STXBP5L: variants seen among roughly 807,000 people sequenced by gnomAD.
STXBP5L encodes syntaxin binding protein 5L, also known as syntaxin-binding protein 5-like.
A neutral mutation model predicts 144.5 loss-of-function variants in STXBP5L; 65 were observed. That is an observed-to-expected ratio of 0.45 (90% confidence interval 0.37 to 0.55). The LOEUF (loss-of-function observed/expected upper bound fraction) is 0.55. Ranked by LOEUF, STXBP5L falls within the 20% of genes least tolerant of loss-of-function variation. STXBP5L has a pLI of 0.00. For synonymous variants in STXBP5L, 505 were observed against 469.6 expected, an observed-to-expected ratio of 1.08 and a Z score of -0.97; for missense variants, 1,298 against 1,405.5, an observed-to-expected ratio of 0.92 and a Z score of 1.22.
chr3:120,914,016 A>G (rs1708983259), intron 2 of STXBP5L, among the ~76,000 whole-genome samples: 1 of 152,038 alleles, frequency 6.6e-6, no homozygotes, highest in Admixed American at 6.5e-5. Flanking sequence ...AAGAGTTGAT[A>G]CCACTTTAGG....
intron 9 of STXBP5L, among the ~76,000 whole-genome samples, chr3:121,170,879 A>G (rs2046686188): frequency 6.6e-6 from 1 of 152,188 alleles, no homozygotes; most frequent in African/African-American, 2.4e-5. Context: ...CCTGGCAGAG[A>G]CACAACAAAA....
At chr3:121,079,348 T>C (rs1345343281) in intron 5 of STXBP5L, among the ~76,000 whole-genome samples, 1 of 152,226 alleles carries the variant, frequency 6.6e-6, no homozygotes, top group Non-Finnish European at 1.5e-5. Flanking sequence ...CTTATTGGTC[T>C]TGTGACACTG....
intron 3 of STXBP5L, among the ~76,000 whole-genome samples, chr3:121,002,482 A>C (rs1362158448): frequency 2.0e-5 from 3 of 152,126 alleles, no homozygotes; most frequent in African/African-American, 7.2e-5. Flanking sequence ...ATGATCTGCT[A>C]ATCTTCAGTG....
chr3:121,029,762 AT>A lies in STXBP5L; in HGVS notation c.288-11930del, dbSNP rs1409078620. On this transcript the variant is annotated intron_variant, in intron 3 of 26. Coordinates refer to ENST00000471454, the MANE Select transcript of STXBP5L (RefSeq NM_001308330.2). Reference sequence around the variant, plus strand: ...AACAGGTAAGCTACAGAATGGGAGAATTTTTTTTGAATCTATCCATCTGACA... The same window carrying A: ...AACAGGTAAGCTACAGAATGGGAGAATTTTTTTGAATCTATCCATCTGACA... 1.2e-4 allele frequency among the ~76,000 whole-genome samples: 19 copies of A among 152,064 alleles called. 1 individual carries two copies. Among genetic ancestry groups the A allele is most frequent in the Admixed American group, 7.9e-4 (12 of 15,270 alleles).
chr3:121,189,042 A>G (rs549355040), intron 9 of STXBP5L, among the ~76,000 whole-genome samples: 1 of 152,256 alleles, frequency 6.6e-6, no homozygotes. Context: ...GATGACATGA[A>G]TTTTATACTT....
At chr3:121,234,238 G>A (rs1400564996) in intron 12 of STXBP5L, among the ~76,000 whole-genome samples, 1 of 152,002 alleles carries the variant, frequency 6.6e-6, no homozygotes, top group Non-Finnish European at 1.5e-5. Context: ...AATGGTAATA[G>A]CATGAAACTA....
chr3:121,167,656 GA>G (rs1264770559), intron 9 of STXBP5L, among the ~76,000 whole-genome samples: 1 of 152,070 alleles, frequency 6.6e-6, no homozygotes, highest in Non-Finnish European at 1.5e-5. Flanking sequence ...GGGCATCTCT[GA>G]AAAAAATAAG....
intron 3 of STXBP5L, among the ~76,000 whole-genome samples, chr3:121,025,999 T>C (rs996522753): frequency 2.1e-5 from 3 of 145,348 alleles, no homozygotes; most frequent in Admixed American, 7.1e-5. Flanking sequence ...GTATTATCAA[T>C]ATATTATATA....
At chr3:120,966,777 T>A (rs1939632541) in intron 3 of STXBP5L, among the ~76,000 whole-genome samples, 1 of 152,082 alleles carries the variant, frequency 6.6e-6, no homozygotes, top group African/African-American at 2.4e-5. Context: ...GAGGAGGCAG[T>A]GTGTCCGTTC....
intron 5 of STXBP5L, among the ~76,000 whole-genome samples, chr3:121,068,170 C>A (rs1053458859): frequency 2.6e-5 from 4 of 151,976 alleles, no homozygotes; most frequent in African/African-American, 9.7e-5. Context: ...CCACCATGCC[C>A]AGCTAATTTT....
At chr3:121,236,613 C>G (rs2049491807) in intron 12 of STXBP5L, among the ~76,000 whole-genome samples, 1 of 152,198 alleles carries the variant, frequency 6.6e-6, no homozygotes, top group Admixed American at 6.5e-5. Flanking sequence ...TTAATCTATT[C>G]ATGAGGAATC....
intron 20 of STXBP5L, among the ~76,000 whole-genome samples, chr3:121,346,129 AG>A (rs2044962308): frequency 1.1e-5 from 1 of 95,132 alleles, no homozygotes; most frequent in African/African-American, 4.2e-5. Context: ...AACAGGCCCC[AG>A]GGTGTGATGT....
intron 11 of STXBP5L, among the ~76,000 whole-genome samples, chr3:121,223,744 A>G (rs1577249580): frequency 6.6e-6 from 1 of 152,164 alleles, no homozygotes; most frequent in Admixed American, 6.6e-5. Flanking sequence ...TTGTAAACAT[A>G]ACAACTAGTC....
chr3:121,281,996 T>A (rs2051076267), intron 19 of STXBP5L, among the ~76,000 whole-genome samples: 1 of 151,126 alleles, frequency 6.6e-6, no homozygotes, highest in African/African-American at 2.4e-5. Context: ...TTAAATAAGA[T>A]AAAAATAAAT....
At chr3:121,360,597 G>A (rs192512648) in intron 20 of STXBP5L, among the ~76,000 whole-genome samples, 6 of 152,082 alleles carry the variant, frequency 3.9e-5, no homozygotes, top group African/African-American at 1.4e-4. Context: ...CATGAGGCAT[G>A]CGAATACTAT....
intron 5 of STXBP5L, among the ~76,000 whole-genome samples, chr3:121,051,681 A>T (rs1357001665): frequency 2.0e-5 from 3 of 152,208 alleles, no homozygotes; most frequent in Non-Finnish European, 2.9e-5. Context: ...ATAGAACTAG[A>T]GAAGCAAGAG....
intron 20 of STXBP5L, among the ~76,000 whole-genome samples, chr3:121,359,702 C>T (rs1382019669): frequency 1.3e-5 from 2 of 151,876 alleles, no homozygotes; most frequent in African/African-American, 2.4e-5. Context: ...ATTGAAGATG[C>T]TGTCTTTTCT....
intron 20 of STXBP5L, among the ~76,000 whole-genome samples, chr3:121,369,799 C>G (rs991567899): frequency 2.0e-5 from 3 of 152,228 alleles, no homozygotes; most frequent in Middle Eastern, 3.4e-3. Flanking sequence ...GTTGGGGAAT[C>G]TGATGGTTAT....
chr3:120,955,094 A>C, intron 3 of STXBP5L, 57 bp downstream of exon 3: 1 of 1,207,020 alleles, frequency 8.3e-7, no homozygotes, highest in Admixed American at 1.8e-5. Context: ...CATTTCTTTA[A>C]ATATTCAGGT....
Sources: gnomAD v4.1 joint callset for allele counts (sites outside exome capture counted in the v4.1 genomes callset) on GRCh38, gnomAD v4.1.1 for gene constraint, MANE v1.5 for transcripts, NCBI Gene and HGNC (gene_info 2026-07-23, HGNC 2026-07-21) for gene names.